The following HDAC9 variants were observed in gnomAD, a reference collection of about 807,000 sequenced individuals.
HDAC9 encodes histone deacetylase 9, also known as MEF-2 interacting transcription repressor (MITR) protein.
In HDAC9, 41 loss-of-function variants were observed where a neutral mutation model predicts 139.4. That is an observed-to-expected ratio of 0.29 (90% CI 0.23 to 0.38). The LOEUF (loss-of-function observed/expected upper bound fraction) is 0.38. Ranked by LOEUF, HDAC9 falls within the 10% of genes least tolerant of loss-of-function variation. The pLI is 1.00. For synonymous variants in HDAC9, 517 were observed against 476.2 expected, an observed-to-expected ratio of 1.09 and a Z score of -1.12; for missense variants, 1,147 against 1,297.0, an observed-to-expected ratio of 0.88 and a Z score of 1.78.
intron 2 of HDAC9, among the ~76,000 whole-genome samples, chr7:18,270,686 A>T (rs1218257333): frequency 6.6e-6 from 1 of 152,174 alleles, no homozygotes. Flanking sequence ...AGGAGGAAAA[A>T]TGCTAAATTA....
chr7:18,979,187 G>A lies in HDAC9; in HGVS notation c.3170+3234G>A, dbSNP rs1405564098. Among the ~76,000 whole-genome samples the A allele has an allele frequency of 2.6e-5, 4 of 152,086 alleles. No individual in the cohort carries two copies. The East Asian group carries it at 7.7e-4, about 29-fold the overall frequency. On this transcript the variant is annotated intron_variant, in intron 25 of 25. Coordinates refer to ENST00000686413, the MANE Select transcript of HDAC9 (RefSeq NM_178425.4). ...AAAGTCTGACCACTTTGTTTTTTGG[G>A]TAACTATCTAGTTTGTGAATATAAC...
rs973401482 is a variant in HDAC9, at chr7:18,149,636, C to T, written c.-96-12593C>T. Among the ~76,000 whole-genome samples, 19 of 151,958 alleles carry T rather than the reference C, an allele frequency of 1.3e-4. No individual in the cohort carries two copies. In the South Asian group the frequency reaches 1.5e-3, roughly 12 times the overall value. ...CTTGATCTCGGCTCACTGCAGGCTT[C>T]GCCTCCCGGGTTCACGCCATTCTCC... On this transcript the variant is annotated intron_variant, in intron 1 of 12. Coordinates refer to the HDAC9 transcript ENST00000417496.
At chr7:18,745,018 AT>A (rs1417260251) in intron 13 of HDAC9, among the ~76,000 whole-genome samples, 19 of 152,224 alleles carry the variant, frequency 1.2e-4, no homozygotes, top group African/African-American at 4.6e-4. Context: ...AAATTAATTA[AT>A]CTATTGGCTT....
intron 11 of HDAC9, among the ~76,000 whole-genome samples, chr7:18,654,914 G>C (rs1028994565): frequency 6.6e-6 from 1 of 152,068 alleles, no homozygotes; most frequent in Non-Finnish European, 1.5e-5. Context: ...CTTTCCAAAC[G>C]GTGCAGAGTG....
intron 1 of HDAC9, among the ~76,000 whole-genome samples, chr7:18,464,700 T>C (rs1296557963): frequency 6.6e-6 from 1 of 152,074 alleles, no homozygotes; most frequent in African/African-American, 2.4e-5. Context: ...ATTGAAATGA[T>C]TCAAGTGTGG....
At position 18,962,166 on chromosome 7, in the gene HDAC9, G is replaced by T. The variant is rs527364008; in HGVS notation, c.3022+7936G>T. On this transcript the variant is annotated intron_variant, in intron 24 of 25. Coordinates refer to ENST00000686413, the MANE Select transcript of HDAC9 (RefSeq NM_178425.4). The stretch of plus-strand genomic sequence containing the variant: ...TGGCAGAATTTCAAATCCCTGCCCT[G>T]TTGAGTTTAAAGCCCTGACTGTTGT... Among the ~76,000 whole-genome samples, 29 of 152,254 alleles carry T rather than the reference G, an allele frequency of 1.9e-4. No individual in the cohort carries two copies. In the East Asian group the frequency reaches 1.9e-3, roughly 10 times the overall value.
At chr7:18,613,701 A>G (rs941568379) in intron 6 of HDAC9, among the ~76,000 whole-genome samples, 11 of 152,150 alleles carry the variant, frequency 7.2e-5, no homozygotes, top group Non-Finnish European at 1.2e-4. Flanking sequence ...AGTAGTTATT[A>G]TGCTAGGTTA....
intron 6 of HDAC9, 102 bp from the exon 7 acceptor site, chr7:18,629,248 A>T: frequency 9.0e-7 from 1 of 1,108,488 alleles, no homozygotes; most frequent in Non-Finnish European, 1.2e-6. Flanking sequence ...ATGAGAATGG[A>T]CCAAGAAAAG....
chr7:18,776,509 A>T (rs1790778745), intron 16 of HDAC9, among the ~76,000 whole-genome samples: 1 of 152,124 alleles, frequency 6.6e-6, no homozygotes, highest in African/African-American at 2.4e-5. Context: ...TGAACAAAAC[A>T]GAAAACGTTT....
At chr7:18,665,458 A>G (rs1794576828) in intron 11 of HDAC9, among the ~76,000 whole-genome samples, 6 of 152,158 alleles carry the variant, frequency 3.9e-5, no homozygotes, top group Admixed American at 3.9e-4. Context: ...ATCATTAAGC[A>G]GTTAATTCAT....
intron 12 of HDAC9, among the ~76,000 whole-genome samples, chr7:18,694,422 T>A (rs1782888664): frequency 6.6e-6 from 1 of 152,128 alleles, no homozygotes; most frequent in South Asian, 2.1e-4. Flanking sequence ...AATTTTCTCT[T>A]CTTAACGTAA....
At chr7:18,718,028 C>T (rs1163619293) in intron 12 of HDAC9, among the ~76,000 whole-genome samples, 2 of 151,992 alleles carry the variant, frequency 1.3e-5, no homozygotes, top group Non-Finnish European at 2.9e-5. Flanking sequence ...AGTGGTTTTT[C>T]GTATAGTCAC....
chr7:18,465,223 C>A (rs1794171108), intron 1 of HDAC9, among the ~76,000 whole-genome samples: 1 of 151,808 alleles, frequency 6.6e-6, no homozygotes, highest in African/African-American at 2.4e-5. Flanking sequence ...TTTTATATTG[C>A]TTCTCCTTGT....
intron 1 of HDAC9, among the ~76,000 whole-genome samples, chr7:18,489,964 C>T (rs920465587): frequency 1.3e-5 from 2 of 152,010 alleles, no homozygotes; most frequent in African/African-American, 2.4e-5. Context: ...TGCTCTCATT[C>T]GCAAGCTAGA....
chr7:18,210,859 G>A (rs7779744), intron 2 of HDAC9, among the ~76,000 whole-genome samples: 5,032 of 152,242 alleles, frequency 0.033, 293 homozygotes, highest in African/African-American at 0.11. Flanking sequence ...CGGAGGAGAA[G>A]AAACTTGGCA....
At chr7:18,786,794 T>TC (rs1354502741) in intron 16 of HDAC9, among the ~76,000 whole-genome samples, 64 of 83,016 alleles carry the variant, frequency 7.7e-4, no homozygotes, top group Non-Finnish European at 1.0e-3. Flanking sequence ...TTTCTTTCTT[T>TC]CTTTCCTTCC....
intron 2 of HDAC9, among the ~76,000 whole-genome samples, chr7:18,230,942 A>C (rs1258640427): frequency 6.6e-6 from 1 of 152,182 alleles, no homozygotes; most frequent in African/African-American, 2.4e-5. Flanking sequence ...ATATATAACA[A>C]ATTTTAAATA....
chr7:18,725,472 T>A (rs566829996), intron 12 of HDAC9, among the ~76,000 whole-genome samples: 1 of 136 alleles, frequency 7.4e-3, no homozygotes, highest in African/African-American at 0.022. Flanking sequence ...CAAATTTGGG[T>A]TGACTTCGGA....
At chr7:18,150,337 A>G (rs1014676802) in intron 1 of HDAC9, among the ~76,000 whole-genome samples, 1 of 152,116 alleles carries the variant, frequency 6.6e-6, no homozygotes, top group Admixed American at 6.6e-5. Context: ...TGATGGGTTT[A>G]TAAAATGTTA....
Sources: gnomAD v4.1 joint callset for allele counts (sites outside exome capture counted in the v4.1 genomes callset) on GRCh38, gnomAD v4.1.1 for gene constraint, MANE v1.5 for transcripts, NCBI Gene and HGNC (gene_info 2026-07-23, HGNC 2026-07-21) for gene names.